Variants in FHIP2A observed in about 807,000 individuals in gnomAD.
FHIP2A encodes the protein family with sequence similarity 160 member B1.
A neutral mutation model predicts 93.5 loss-of-function variants in FHIP2A; 46 were observed. The observed-to-expected ratio is 0.49, with a 90% CI of 0.39 to 0.63. The LOEUF is 0.63. Ranked by LOEUF, FHIP2A falls within the 20% of genes least tolerant of loss-of-function variation. The pLI, the probability that FHIP2A is intolerant of heterozygous loss-of-function variation, is 0.00. For synonymous variants in FHIP2A, 332 were observed against 326.5 expected (o/e 1.02, Z -0.18); for missense variants, 769 against 909.7 (o/e 0.85, Z 1.99).
chr10:114,840,841 T>C (rs528192000), intron 5 of FHIP2A, among the ~76,000 whole-genome samples: 5 of 152,282 alleles, frequency 3.3e-5, no homozygotes, highest in African/African-American at 1.2e-4. Flanking sequence ...CTGATGGAGA[T>C]AATTAGCAGG....
intron 1 of FHIP2A, among the ~76,000 whole-genome samples, chr10:114,828,303 A>G (rs1341142659): frequency 6.6e-6 from 1 of 152,228 alleles, no homozygotes; most frequent in Non-Finnish European, 1.5e-5. Flanking sequence ...CAAATGCACT[A>G]AGACTTCTCT....
intron 8 of FHIP2A, among the ~76,000 whole-genome samples, chr10:114,845,702 T>C (rs1216358786): frequency 6.6e-6 from 1 of 152,234 alleles, no homozygotes; most frequent in Non-Finnish European, 1.5e-5. Flanking sequence ...TCCTTAAATA[T>C]TATGGTACAG....
At chr10:114,857,595 C>A (rs971062992) in intron 14 of FHIP2A, among the ~76,000 whole-genome samples, 1 of 151,852 alleles carries the variant, frequency 6.6e-6, no homozygotes, top group African/African-American at 2.4e-5. Context: ...CAGGCATGAA[C>A]CACCACGCCT....
chr10:114,857,172 A>G (rs2083771739), intron 14 of FHIP2A, among the ~76,000 whole-genome samples: 1 of 152,234 alleles, frequency 6.6e-6, no homozygotes, highest in East Asian at 1.9e-4. Flanking sequence ...AGAACGTGGT[A>G]TAGTCTGATC....
chr10:114,898,105 G>A (rs76014454), intron 16 of FHIP2A, among the ~76,000 whole-genome samples: 2,482 of 152,234 alleles, frequency 0.016, 80 homozygotes, highest in African/African-American at 0.057. Flanking sequence ...ATATGGAAGC[G>A]AAGAAGCCAA....
Position 114,833,600 on chromosome 10 carries a change from A to G in FHIP2A, c.294+198A>G, listed in dbSNP as rs115810936. The G allele has an allele frequency of 4.6e-3, 2,250 of 490,368 alleles. 43 individuals carry two copies. The highest frequency in any genetic ancestry group is 0.04 in the African/African-American group (1,992 of 49,688). The allele number at this position is 490,368 out of a possible 1,614,324, so 30.4% of individuals were successfully genotyped here. A position where few individuals can be genotyped will look rare whatever the true frequency, so the allele number is the denominator to read the frequency against. On this transcript the variant is annotated intron_variant, in intron 3 of 16. Transcript: ENST00000369248. Reference sequence around the variant, plus strand: ...GATAGAAAGATTCCAAACACTCTAGACAACAACTTGTACTTGGCTGCTTAG... The same window carrying G: ...GATAGAAAGATTCCAAACACTCTAGGCAACAACTTGTACTTGGCTGCTTAG...
Position 114,873,951 on chromosome 10 carries a change from G to GA in FHIP2A, c.2192+12628dup, listed in dbSNP as rs10715018. 8.8e-4 allele frequency among the ~76,000 whole-genome samples: 130 copies of GA among 148,520 alleles called. 1 individual carries two copies. In the Middle Eastern group the frequency reaches 0.01, roughly 12 times the overall value. ...GTTATTTAGGAATATTCAGGAGGGGGAAAAAAAAAAACAACCCTAAGTTCT... is the reference window on the plus strand; with the variant it reads ...GTTATTTAGGAATATTCAGGAGGGGGAAAAAAAAAAAACAACCCTAAGTTCT... On this transcript the variant is annotated intron_variant, in intron 16 of 16. Coordinates refer to the FHIP2A transcript ENST00000369250.
chr10:114,825,291 G>GC (rs2083566750), intron 1 of FHIP2A, among the ~76,000 whole-genome samples: 1 of 152,122 alleles, frequency 6.6e-6, no homozygotes, highest in African/African-American at 2.4e-5. Context: ...CTCCTAAAGT[G>GC]CCAGGATTAT....
intron 16 of FHIP2A, among the ~76,000 whole-genome samples, chr10:114,870,434 C>G (rs2083853915): frequency 6.6e-6 from 1 of 152,100 alleles, no homozygotes; most frequent in Non-Finnish European, 1.5e-5. Context: ...CTCAGTACCT[C>G]TATTCATCAA....
intron 12 of FHIP2A, among the ~76,000 whole-genome samples, chr10:114,847,502 T>G (rs11196951): frequency 0.41 from 61,732 of 151,438 alleles, 13,121 homozygotes; most frequent in Non-Finnish European, 0.48. Flanking sequence ...TTGGTTAGGC[T>G]GGTCTCAAAC....
intron 7 of FHIP2A, among the ~76,000 whole-genome samples, chr10:114,844,951 A>ATTTTTTT (rs5788084): frequency 7.1e-6 from 1 of 141,084 alleles, no homozygotes; most frequent in African/African-American, 2.6e-5. Flanking sequence ...TGCCCAGCTA[A>ATTTTTTT]TTTTTTTTTT....
Position 114,857,314 on chromosome 10 carries a change from C to CTTTTTTTTTTTTTTTTTTTTTT in FHIP2A, c.1947+1986_1947+1987insTTTTTTTTTTTTTTTTTTTTTT, listed in dbSNP as rs78583275. Among the ~76,000 whole-genome samples, 126 of 120,666 alleles carry CTTTTTTTTTTTTTTTTTTTTTT rather than the reference C, an allele frequency of 1.0e-3. 11 individuals carry two copies. The highest frequency in any genetic ancestry group is 1.8e-3 in the African/African-American group (62 of 33,756). The allele number at this position is 120,666 out of a possible 152,430, so 79.2% of individuals were successfully genotyped here. ...TTTCTTTCTCTCCCTATTTCTTCTT[C>CTTTTTTTTTTTTTTTTTTTTTT]TTTTTTTTTTTTCTGAGACCGAGTC... On this transcript the variant is annotated intron_variant, in intron 14 of 16. Transcript: ENST00000369248.
chr10:114,879,996 T>G (rs2083909078), intron 16 of FHIP2A, among the ~76,000 whole-genome samples: 1 of 152,128 alleles, frequency 6.6e-6, no homozygotes, highest in Non-Finnish European at 1.5e-5. Flanking sequence ...CCACACTTAT[T>G]TAGAGGGGTG....
At chr10:114,852,083 C>G (rs186171692) in intron 13 of FHIP2A, among the ~76,000 whole-genome samples, 25 of 115,632 alleles carry the variant, frequency 2.2e-4, no homozygotes, top group South Asian at 1.3e-3. Context: ...TCCCACCCCC[C>G]ACCCCAGCCC....
Position 114,845,999 on chromosome 10 carries a change from C to T in FHIP2A, c.1129-14C>T, listed in dbSNP as rs2083698388. On this transcript the variant is annotated splice_polypyrimidine_tract_variant and intron_variant, in intron 8 of 16. Coordinates refer to ENST00000369248, the MANE Select transcript of FHIP2A (RefSeq NM_020940.4). ...TATATTAAAAAAAAAAATGATGTTC[C>T]TACTATATTCTAGACTGCTGCTGTT... is the stretch of plus-strand genomic sequence containing the variant. 1.9e-6 allele frequency: 3 copies of T among 1,584,990 alleles called. No homozygotes were observed. Among genetic ancestry groups the T allele is most frequent in the Admixed American group, 1.8e-5 (1 of 56,118 alleles).
In FHIP2A at chr10:114,861,409, T is replaced by C. The variant is rs776960543; in HGVS notation, c.2193-26T>C. ...ATGATCGGCTGCTATCTTGAATTGATTTATTGTCTGTTTTTTCCTTACCAG... is the reference window on the plus strand; with the variant it reads ...ATGATCGGCTGCTATCTTGAATTGACTTATTGTCTGTTTTTTCCTTACCAG... On this transcript the variant is annotated intron_variant, in intron 16 of 16. Coordinates refer to ENST00000369248, the MANE Select transcript of FHIP2A (RefSeq NM_020940.4). 7 of 1,613,840 alleles carry C rather than the reference T, an allele frequency of 4.3e-6. No individual in the cohort carries two copies. The Admixed American group carries it at 8.3e-5, about 19-fold the overall frequency.
chr10:114,831,529 C>A (rs942257520), intron 2 of FHIP2A, among the ~76,000 whole-genome samples: 1 of 152,112 alleles, frequency 6.6e-6, no homozygotes, highest in Non-Finnish European at 1.5e-5. Context: ...TTCATTCTTT[C>A]TTGGAGCGTT....
intron 13 of FHIP2A, among the ~76,000 whole-genome samples, chr10:114,849,401 A>G (rs1276911642): frequency 6.6e-6 from 1 of 152,136 alleles, no homozygotes; most frequent in Non-Finnish European, 1.5e-5. Context: ...TGATGCAGAC[A>G]GTGATTCACA....
chr10:114,823,862 A>G (rs376347593), intron 1 of FHIP2A, among the ~76,000 whole-genome samples: 14 of 152,260 alleles, frequency 9.2e-5, no homozygotes, highest in Admixed American at 5.9e-4. Flanking sequence ...TTGGTAATCA[A>G]AATTTACTAT....
Sources: allele counts gnomAD v4.1 joint callset (sites outside exome capture counted in the v4.1 genomes callset), GRCh38; gene constraint gnomAD v4.1.1; transcripts MANE v1.5; gene names NCBI Gene and HGNC (gene_info 2026-07-23, HGNC 2026-07-21).